Variants in MOSMO observed in about 807,000 individuals in gnomAD.
MOSMO encodes modulator of smoothened protein.
A neutral mutation model predicts 18.4 loss-of-function variants in MOSMO; 5 were observed. The ratio of observed to expected loss-of-function variants is 0.27; its 90% CI spans 0.14 to 0.57. The LOEUF (loss-of-function observed/expected upper bound fraction) is 0.57. Ranked by LOEUF, MOSMO falls within the 20% of genes least tolerant of loss-of-function variation. The pLI is 0.92. For missense variants in MOSMO, 138 were observed against 211.8 expected (o/e 0.65, Z 2.16); for synonymous variants, 82 against 82.3 (o/e 1.00, Z 0.02).
intron 1 of MOSMO, among the ~76,000 whole-genome samples, chr16:22,074,044 A>T (rs1230002820): frequency 1.3e-5 from 2 of 152,156 alleles, no homozygotes; most frequent in East Asian, 3.9e-4. Flanking sequence ...TATTTCTAAA[A>T]ATACATCAAT....
downstream of MOSMO, among the ~76,000 whole-genome samples, chr16:22,090,745 T>C (rs1288354765): frequency 6.6e-6 from 1 of 152,216 alleles, no homozygotes; most frequent in Non-Finnish European, 1.5e-5. Context: ...TGTGCTCTGA[T>C]GCTTTCCATG....
At chr16:22,033,949 C>T (rs1900049940) in intron 1 of MOSMO, among the ~76,000 whole-genome samples, 1 of 152,088 alleles carries the variant, frequency 6.6e-6, no homozygotes, top group African/African-American at 2.4e-5. Flanking sequence ...GAATATGGCA[C>T]CAAATGTGAA....
At chr16:22,024,165 C>T (rs889157483) in intron 1 of MOSMO, among the ~76,000 whole-genome samples, 36 of 151,706 alleles carry the variant, frequency 2.4e-4, no homozygotes, top group Admixed American at 2.4e-3. Flanking sequence ...TAGACAGTTT[C>T]TTTGGTATAT....
In MOSMO at chr16:22,084,402, G is replaced by T. The variant is rs1033019757; in HGVS notation, c.*3522G>T. 6.6e-6 allele frequency: 1 copy of T among 152,038 alleles called. No individual in the cohort carries two copies. Among genetic ancestry groups the T allele is most frequent in the African/African-American group, 2.4e-5 (1 of 41,376 alleles). 9.4% of individuals were successfully genotyped at this position (152,038 alleles called of 1,614,324 possible). A position where few individuals can be genotyped will look rare whatever the true frequency, so the allele number is the denominator to read the frequency against. ...AAAACATGAAGGAAAAAAGTGGCCC[G>T]TGTAGGTAGGATTCCCTACACAGGA... On this transcript the variant is annotated 3_prime_UTR_variant, in exon 3 of 3. Transcript: ENST00000542527.
chr16:22,064,452 A>G (rs760674125), intron 1 of MOSMO: 3 of 455,582 alleles, frequency 6.6e-6, no homozygotes, highest in South Asian at 4.6e-5. Context: ...AGTATCCTTG[A>G]ATGGAATTCT....
chr16:22,032,403 GCTGGTCTCGAACTC>G (rs1900014476), intron 1 of MOSMO, among the ~76,000 whole-genome samples: 1 of 152,106 alleles, frequency 6.6e-6, no homozygotes, highest in African/African-American at 2.4e-5. Context: ...TGTTGGCCAG[GCTGGTCTCGAACTC>G]CTGGCCTCAA....
chr16:22,082,540 CCT>C lies in MOSMO; in HGVS notation c.*1661_*1662del, dbSNP rs1555523827. On this transcript the variant is annotated 3_prime_UTR_variant, in exon 3 of 3. Coordinates refer to ENST00000542527, the MANE Select transcript of MOSMO (RefSeq NM_001164579.2). ...AGTGAACTGATGACCCAAATGACTCCCTGTCAGTAGAGTCCCATGTGGCCCAT... is the reference window on the plus strand; with the variant it reads ...AGTGAACTGATGACCCAAATGACTCCGTCAGTAGAGTCCCATGTGGCCCAT... The C allele has an allele frequency of 6.6e-6, 1 of 152,036 alleles. No individual in the cohort carries two copies. Among genetic ancestry groups the C allele is most frequent in the Non-Finnish European group, 1.5e-5 (1 of 68,022 alleles). 9.4% of individuals were successfully genotyped at this position (152,036 alleles called of 1,614,324 possible). A position where few individuals can be genotyped will look rare whatever the true frequency, so the allele number is the denominator to read the frequency against.
chr16:22,013,211 T>G lies in MOSMO; in HGVS notation c.106+4804T>G, dbSNP rs956063226. Among the ~76,000 whole-genome samples the G allele has an allele frequency of 2.6e-5, 4 of 152,330 alleles. No homozygotes were observed. In the East Asian group the frequency reaches 7.7e-4, roughly 29 times the overall value. ...CCTTAGGATGTTTATATTTGGCCAA[T>G]GTAAAATAGTCATTTTCACATTTTC... On this transcript the variant is annotated intron_variant, in intron 1 of 2. Transcript: ENST00000542527.
chr16:22,088,447 T>G (rs915542978), downstream of MOSMO, among the ~76,000 whole-genome samples: 1 of 152,232 alleles, frequency 6.6e-6, no homozygotes, highest in Non-Finnish European at 1.5e-5. Context: ...ATGAGGTTGC[T>G]TCCAGATTTT....
chr16:22,062,916 G>A (rs1236206064), intron 1 of MOSMO, among the ~76,000 whole-genome samples: 2 of 152,174 alleles, frequency 1.3e-5, no homozygotes. Flanking sequence ...GCCATGACGC[G>A]ATCTCGGCTC....
At chr16:22,055,022 G>A (rs181961126) in intron 1 of MOSMO, among the ~76,000 whole-genome samples, 11 of 151,264 alleles carry the variant, frequency 7.3e-5, no homozygotes, top group South Asian at 2.1e-4. Context: ...CTTTGTAAGC[G>A]TAACCTGTAT....
chr16:22,047,672 A>T (rs1193245832), intron 1 of MOSMO, among the ~76,000 whole-genome samples: 1 of 152,138 alleles, frequency 6.6e-6, no homozygotes, highest in African/African-American at 2.4e-5. Flanking sequence ...TGTGGGTTGC[A>T]TATGTAAAAA....
intron 1 of MOSMO, among the ~76,000 whole-genome samples, chr16:22,019,015 T>C (rs1400502176): frequency 6.6e-6 from 1 of 152,232 alleles, no homozygotes; most frequent in East Asian, 1.9e-4. Context: ...ACTTTACATG[T>C]GTTAATTGAT....
At chr16:22,017,822 A>G (rs955905517) in intron 1 of MOSMO, among the ~76,000 whole-genome samples, 1 of 152,200 alleles carries the variant, frequency 6.6e-6, no homozygotes, top group African/African-American at 2.4e-5. Context: ...ATTCTTGCCA[A>G]ATATGCAATG....
At chr16:22,039,058 T>C (rs1387173393) in intron 1 of MOSMO, among the ~76,000 whole-genome samples, 1 of 152,228 alleles carries the variant, frequency 6.6e-6, no homozygotes, top group Non-Finnish European at 1.5e-5. Context: ...TACTGAATCA[T>C]ATCAGTTTTC....
In MOSMO at chr16:22,052,675, A is replaced by G. The variant is rs1465084240; in HGVS notation, c.107-22812A>G. ...CAGCCATGAAAAATAAATAAATTATAACAATCTGAATCTTAAACAGTCATG... is the reference window on the plus strand; with the variant it reads ...CAGCCATGAAAAATAAATAAATTATGACAATCTGAATCTTAAACAGTCATG... On this transcript the variant is annotated intron_variant, in intron 1 of 2. Transcript: ENST00000542527. Among the ~76,000 whole-genome samples, 4 of 152,208 alleles carry G rather than the reference A, an allele frequency of 2.6e-5. No homozygotes were observed. The East Asian group carries it at 7.7e-4, about 29-fold the overall frequency.
intron 1 of MOSMO, among the ~76,000 whole-genome samples, chr16:22,051,031 A>G (rs1324012676): frequency 6.6e-6 from 1 of 152,154 alleles, no homozygotes; most frequent in Non-Finnish European, 1.5e-5. Flanking sequence ...CTATTGAAGT[A>G]AGAGAAGACC....
In MOSMO at chr16:22,080,944, G is replaced by T. The variant is rs935267785; in HGVS notation, c.*64G>T. On this transcript the variant is annotated 3_prime_UTR_variant, in exon 3 of 3. Coordinates refer to ENST00000542527, the MANE Select transcript of MOSMO (RefSeq NM_001164579.2). ...TTATTTTATTTTTTTATTTTTGGAG[G>T]GTGGAGAGGACAAAGGCGAGGCATC... 7 of 840,326 alleles carry T rather than the reference G, an allele frequency of 8.3e-6. No individual in the cohort carries two copies. Among genetic ancestry groups the T allele is most frequent in the African/African-American group, 1.8e-5 (1 of 56,652 alleles). 52.1% of individuals were successfully genotyped at this position (840,326 alleles called of 1,614,324 possible). A position where few individuals can be genotyped will look rare whatever the true frequency, so the allele number is the denominator to read the frequency against.
At chr16:22,071,772 A>T (rs1333124356) in intron 1 of MOSMO, among the ~76,000 whole-genome samples, 1 of 152,098 alleles carries the variant, frequency 6.6e-6, no homozygotes, top group African/African-American at 2.4e-5. Flanking sequence ...GTACAGATGG[A>T]TTGGCTGTTT....
Sources: gnomAD v4.1 joint callset for allele counts (sites outside exome capture counted in the v4.1 genomes callset) on GRCh38, gnomAD v4.1.1 for gene constraint, MANE v1.5 for transcripts, NCBI Gene and HGNC (gene_info 2026-07-23, HGNC 2026-07-21) for gene names.